NDUFV2: variants seen among roughly 807,000 people sequenced by gnomAD.
NDUFV2 encodes NADH dehydrogenase [ubiquinone] flavoprotein 2, mitochondrial.
NDUFV2 carries 18 observed loss-of-function variants against 31.6 expected under a neutral mutation model. The ratio of observed to expected loss-of-function variants is 0.57; its 90% confidence interval spans 0.39 to 0.84. The LOEUF (loss-of-function observed/expected upper bound fraction) is 0.84. NDUFV2 is among the 40% of genes least tolerant of loss of function. The pLI is 0.00. For synonymous variants in NDUFV2, 83 were observed against 99.8 expected, an observed-to-expected ratio of 0.83 and a Z score of 1.01; for missense variants, 314 against 303.6, an observed-to-expected ratio of 1.03 and a Z score of -0.26.
rs553422977 is a variant in NDUFV2, at chr18:9,110,961, A to G, written c.55-6877A>G. Among the ~76,000 whole-genome samples the G allele has an allele frequency of 1.4e-4, 21 of 152,306 alleles. No individual in the cohort carries two copies. The East Asian group carries it at 4.0e-3, about 29-fold the overall frequency. ...ATAGAAGAGAAGGGTGGCAAGGATT[A>G]AAAAAAGATTAAATAACTTGCATCT... On this transcript the variant is annotated intron_variant, in intron 1 of 7. Coordinates refer to ENST00000318388, the MANE Select transcript of NDUFV2 (RefSeq NM_021074.5).
Position 9,119,310 on chromosome 18 carries a change from T to A in NDUFV2, c.121-16T>A. On this transcript the variant is annotated splice_polypyrimidine_tract_variant and intron_variant, in intron 2 of 7. Coordinates refer to ENST00000318388, the MANE Select transcript of NDUFV2 (RefSeq NM_021074.5). ...GAGAATTTGGATAAGTCTGAAAAAC[T>A]GTTTTTGTTGTGTAGCACAGAGATA... 1 of 1,605,848 alleles carries A rather than the reference T, an allele frequency of 6.2e-7. No individual in the cohort carries two copies. Among genetic ancestry groups the A allele is most frequent in the Non-Finnish European group, 8.5e-7 (1 of 1,172,816 alleles).
chr18:9,132,071 A>G (rs2078044994), intron 7 of NDUFV2, among the ~76,000 whole-genome samples: 1 of 152,202 alleles, frequency 6.6e-6, no homozygotes, highest in Admixed American at 6.5e-5. Flanking sequence ...AGCCAGACAT[A>G]CTGGATCACT....
intron 2 of NDUFV2, 118 bp from the exon 3 acceptor site, chr18:9,119,207 TA>T: frequency 1.3e-6 from 1 of 780,210 alleles, no homozygotes; most frequent in South Asian, 1.5e-5. Flanking sequence ...TAGGGTGGTA[TA>T]TATCATGTTG....
At chr18:9,118,491 A>C (rs2077910550) in intron 2 of NDUFV2, among the ~76,000 whole-genome samples, 1 of 152,168 alleles carries the variant, frequency 6.6e-6, no homozygotes, top group South Asian at 2.1e-4. Context: ...TGTAAGAAGT[A>C]GCTTCCTGCT....
intron 7 of NDUFV2, chr18:9,132,155 G>A (rs2078045711): frequency 6.6e-6 from 1 of 152,148 alleles, no homozygotes; most frequent in Non-Finnish European, 1.5e-5. Flanking sequence ...CTCTAGACCA[G>A]ATTATTTTTA....
chr18:9,115,438 A>T (rs997571774), intron 1 of NDUFV2, among the ~76,000 whole-genome samples: 3 of 152,144 alleles, frequency 2.0e-5, no homozygotes, highest in Non-Finnish European at 2.9e-5. Context: ...ACCTGCTCAG[A>T]TTGGGTTTTT....
intron 1 of NDUFV2, 165 bp downstream of exon 1, chr18:9,102,962 C>A (rs1403210314): frequency 1.6e-6 from 1 of 622,532 alleles, no homozygotes; most frequent in Non-Finnish European, 2.6e-6. Flanking sequence ...GCAGCCCCAC[C>A]GTGAGAAGCC....
chr18:9,124,367 C>T lies in NDUFV2; in HGVS notation c.470-507C>T, dbSNP rs149710986. ...CAAATTCCTGGGCTCAAGCCATCCTCGCACCACGGCCTCCCAAGGTGCTGG... is the reference window on the plus strand; with the variant it reads ...CAAATTCCTGGGCTCAAGCCATCCTTGCACCACGGCCTCCCAAGGTGCTGG... On this transcript the variant is annotated intron_variant, in intron 5 of 7. Transcript: ENST00000318388. Among the ~76,000 whole-genome samples the T allele has an allele frequency of 9.6e-3, 1,452 of 151,776 alleles. 33 individuals carry two copies. Among genetic ancestry groups the T allele is most frequent in the African/African-American group, 0.033 (1,374 of 41,402 alleles).
chr18:9,126,012 C>T (rs2077987587), intron 6 of NDUFV2, among the ~76,000 whole-genome samples: 1 of 152,182 alleles, frequency 6.6e-6, no homozygotes, highest in Non-Finnish European at 1.5e-5. Context: ...CTTTGAAACT[C>T]TGAAGCAAAG....
At chr18:9,111,666 T>C (rs1036239194) in intron 1 of NDUFV2, among the ~76,000 whole-genome samples, 2 of 151,842 alleles carry the variant, frequency 1.3e-5, no homozygotes, top group Non-Finnish European at 2.9e-5. Context: ...TGACCTCAGG[T>C]GATCCGTCCG....
chr18:9,132,215 G>A (rs1479357541), intron 7 of NDUFV2: 1 of 152,128 alleles, frequency 6.6e-6, no homozygotes, highest in Non-Finnish European at 1.5e-5. Flanking sequence ...AACTCAGGAA[G>A]TACTTACGAT....
In NDUFV2 at chr18:9,102,704, C is replaced by A. The variant is rs1463402201; in HGVS notation, c.-40C>A. ...GCGCCCTGGGCGCGCTCGGGATTCT[C>A]GCCTGGCGCGGCTGGGGAAGGTGAA... On this transcript the variant is annotated 5_prime_UTR_variant, in exon 1 of 8. Coordinates refer to ENST00000318388, the MANE Select transcript of NDUFV2 (RefSeq NM_021074.5). The A allele has an allele frequency of 4.5e-6, 7 of 1,565,390 alleles. No individual in the cohort carries two copies. Among genetic ancestry groups the A allele is most frequent in the South Asian group, 1.2e-5 (1 of 85,026 alleles).
intron 1 of NDUFV2, chr18:9,117,370 ATT>A (rs2077903804): frequency 6.4e-6 from 1 of 155,718 alleles, no homozygotes; most frequent in Non-Finnish European, 1.4e-5. Flanking sequence ...TTCAGAACTA[ATT>A]TAGTAAAGGA....
chr18:9,103,364 A>G (rs555646271), intron 1 of NDUFV2: 4 of 382,968 alleles, frequency 1.0e-5, no homozygotes, highest in African/African-American at 8.3e-5. Context: ...CGCAAATAAC[A>G]GCACCCAATT....
chr18:9,111,176 C>A (rs1424794181), intron 1 of NDUFV2, among the ~76,000 whole-genome samples: 1 of 152,144 alleles, frequency 6.6e-6, no homozygotes, highest in African/African-American at 2.4e-5. Context: ...CCTTTGTAAT[C>A]ATCTGGCCCT....
intron 1 of NDUFV2, among the ~76,000 whole-genome samples, chr18:9,108,852 G>A (rs538634711): frequency 2.6e-5 from 4 of 152,040 alleles, no homozygotes; most frequent in Non-Finnish European, 5.9e-5. Flanking sequence ...CACCACACCC[G>A]GCTAATTTTT....
chr18:9,104,840 T>C, intron 1 of NDUFV2: 1 of 1,255,388 alleles, frequency 8.0e-7, no homozygotes, highest in South Asian at 1.9e-5. Flanking sequence ...GAAAAAACAA[T>C]ACTGAGACTA....
At position 9,126,903 on chromosome 18, in the gene NDUFV2, C is replaced by A. The variant is rs762397050; in HGVS notation, c.652C>A (p.Pro218Thr). The change falls in exon 7 of 8, where the codon CCA becomes ACA. Residue 218 changes from proline (P) to threonine (T), a missense_variant. Pro to Thr is a conservative substitution (Grantham distance 38, BLOSUM62 -1). Coordinates refer to ENST00000318388, the MANE Select transcript of NDUFV2 (RefSeq NM_021074.5). ...LKAGKIPKPG[P>T]RSGRFSCEPA... The stretch of plus-strand genomic sequence containing the variant: ...GGCTGGCAAAATCCCAAAACCAGGG[C>A]CAAGGTATGCTTTATTTATATATAG... 2 of 1,612,106 alleles carry A rather than the reference C, an allele frequency of 1.2e-6. No individual in the cohort carries two copies. Among genetic ancestry groups the A allele is most frequent in the Admixed American group, 1.7e-5 (1 of 59,992 alleles).
At position 9,122,679 on chromosome 18, in the gene NDUFV2, T is replaced by C. The variant is rs1321043331; in HGVS notation, c.467T>C (p.Leu156Pro). Reference protein sequence around the residue: ...DSILEAIQKKLGIKVGETTPD... With the variant: ...DSILEAIQKKPGIKVGETTPD... ...ATACTGGAGGCCATTCAGAAAAAGC[T>C]TGGTAGGGAATACATGATATTTGTA... Residue 156 changes from leucine (L) to proline (P), a missense_variant and splice_region_variant, in exon 5 of 8, where the codon CTT becomes CCT. Leu to Pro is a moderately conservative substitution (Grantham distance 98, BLOSUM62 -3). Coordinates refer to ENST00000318388, the MANE Select transcript of NDUFV2 (RefSeq NM_021074.5). 1 of 1,613,852 alleles carries C rather than the reference T, an allele frequency of 6.2e-7. No homozygotes were observed. The highest frequency in any genetic ancestry group is 1.7e-5 in the Admixed American group (1 of 60,024).
Sources: gnomAD v4.1 joint callset for allele counts (sites outside exome capture counted in the v4.1 genomes callset) on GRCh38, gnomAD v4.1.1 for gene constraint, MANE v1.5 for transcripts, NCBI Gene and HGNC (gene_info 2026-07-23, HGNC 2026-07-21) for gene names.